HUWE1: variants seen among roughly 807,000 people sequenced by gnomAD.
The protein encoded by HUWE1 is E3 ubiquitin-protein ligase HUWE1.
HUWE1 carries 18 observed loss-of-function variants against 299.4 expected under a neutral mutation model. The observed-to-expected ratio is 0.06, with a 90% CI of 0.04 to 0.09. HUWE1 has a LOEUF of 0.09. Ranked by LOEUF, HUWE1 falls within the 10% of genes least tolerant of loss-of-function variation. The pLI, the probability that HUWE1 is intolerant of heterozygous loss-of-function variation, is 1.00. For missense variants in HUWE1, 1,832 were observed against 3,462.3 expected, an observed-to-expected ratio of 0.53 and a Z score of 11.82; for synonymous variants, 1,317 against 1,286.1, an observed-to-expected ratio of 1.02 and a Z score of -0.51.
chrX:53,632,107 A>G (rs782602019), intron 9 of HUWE1: 4 of 333,705 alleles, frequency 1.2e-5, no homozygotes, highest in South Asian at 8.7e-5. Context: ...AAATGACCAG[A>G]TAATTTAAGC....
Position 53,546,778 on chromosome X carries a change from C to A in HUWE1, c.10684G>T (p.Gly3562Trp), listed in dbSNP as rs782795348. ...GSKSPAKVSD[G>W]GSSSTDFKMV... ...TTAAAGTCTGTACTGCTGCTGCCCC[C>A]ATCACTCACCTTCGCTGGAGATTTG... The change falls in exon 69 of 84, where the codon GGG becomes TGG. Residue 3562 changes from glycine (G) to tryptophan (W), a missense_variant. Physicochemically the swap from Gly to Trp is radical, Grantham distance 184. Coordinates refer to ENST00000262854, the MANE Select transcript of HUWE1 (RefSeq NM_031407.7). 1 of 1,210,349 alleles carries A rather than the reference C, an allele frequency of 8.3e-7. No homozygotes were observed. The highest frequency in any genetic ancestry group is 1.8e-5 in the South Asian group (1 of 56,717).
rs1342134032 is a variant in HUWE1, at chrX:53,532,124, T to C, written c.*1185A>G. 9.0e-6 allele frequency: 1 copy of C among 111,419 alleles called. No individual in the cohort carries two copies. The highest frequency in any genetic ancestry group is 1.9e-5 in the Non-Finnish European group (1 of 53,144). The allele number at this position is 111,419 out of a possible 1,213,427, so 9.2% of individuals were successfully genotyped here. On this transcript the variant is annotated 3_prime_UTR_variant, in exon 84 of 84. Coordinates refer to ENST00000262854, the MANE Select transcript of HUWE1 (RefSeq NM_031407.7). ...GGGTTATTTTTTCTAACTAAATTTT[T>C]ATTAAATTATTTTTTCTTTGAAGGC...
chrX:53,571,527 G>A (rs1556951297), intron 47 of HUWE1, among the ~76,000 whole-genome samples: 1 of 111,434 alleles, frequency 9.0e-6, no homozygotes, highest in African/African-American at 3.3e-5. Context: ...ACTTGAGCCT[G>A]GGAGTTCAAA....
chrX:53,671,114 T>C (rs924602308), intron 3 of HUWE1, among the ~76,000 whole-genome samples: 3 of 111,066 alleles, frequency 2.7e-5, no homozygotes, highest in Admixed American at 9.6e-5. Context: ...GCAATGGACT[T>C]TGGGGACTCA....
At chrX:53,533,672 C>T in intron 83 of HUWE1, 1 of 439,065 alleles carries the variant, frequency 2.3e-6, no homozygotes. Context: ...AAAGTGCAAA[C>T]TTGAAGGTGG....
rs1556916592 is a variant in HUWE1 at position 53,539,640 on chromosome X, T to G, written c.11632+17A>C. On this transcript the variant is annotated intron_variant, in intron 75 of 83. Transcript: ENST00000262854. ...AGACCACTGGGTTGGGACCTGGGCC[T>G]TTAGGACACAACTCACCTAGCACCG... 2 of 1,210,526 alleles carry G rather than the reference T, an allele frequency of 1.7e-6. No homozygotes were observed. The highest frequency in any genetic ancestry group is 2.2e-6 in the Non-Finnish European group (2 of 894,374).
At chrX:53,537,946 G>A (rs1163678492) in intron 77 of HUWE1, among the ~76,000 whole-genome samples, 2 of 111,539 alleles carry the variant, frequency 1.8e-5, no homozygotes, top group Admixed American at 1.9e-4. Context: ...CCACAAGCAG[G>A]TAAGCATGTA....
chrX:53,631,373 T>G (rs1557022599), intron 11 of HUWE1, 41 bp downstream of exon 11: 1 of 998,559 alleles, frequency 1.0e-6, no homozygotes, highest in Admixed American at 2.2e-5. Flanking sequence ...TCTATTTAGA[T>G]AACAACCACA....
At position 53,562,562 on chromosome X, in the gene HUWE1, C is replaced by G. The variant is rs182149407; in HGVS notation, c.7204+269G>C. On this transcript the variant is annotated intron_variant, in intron 53 of 83. Transcript: ENST00000262854. ...AGCCCTACTTTGCTATTGACTATAT[C>G]CTGTTGGCAAGAGGGAACCTGGAGC... is the stretch of plus-strand genomic sequence containing the variant. Among the ~76,000 whole-genome samples, 201 of 111,500 alleles carry G rather than the reference C, an allele frequency of 1.8e-3. 1 individual carries two copies. The highest frequency in any genetic ancestry group is 6.0e-3 in the African/African-American group (183 of 30,694).
Position 53,614,649 on chromosome X carries a change from G to T in HUWE1, c.2146C>A (p.Pro716Thr), listed in dbSNP as rs1557005649. The change falls in exon 23 of 84, where the codon CCA becomes ACA. Residue 716 changes from proline (P) to threonine (T), a missense_variant. Pro to Thr is a conservative substitution (Grantham distance 38). Around this residue, in one of 15 missense-constraint regions of HUWE1, gnomAD observed 658 missense variants for 1,282.6 expected, o/e 0.51. Transcript: ENST00000262854. ...TCTTCTGCGGCATGATTAGACCTTG[G>T]GGGAGGAGCAGTGGCAGTGCCATCT... is the stretch of plus-strand genomic sequence containing the variant. ...KADGTATAPPPRSNHAAEEAS... is the reference protein window; with the variant it reads ...KADGTATAPPTRSNHAAEEAS... 1 of 1,207,700 alleles carries T rather than the reference G, an allele frequency of 8.3e-7. No individual in the cohort carries two copies. The highest frequency in any genetic ancestry group is 2.2e-5 in the Admixed American group (1 of 46,014).
chrX:53,658,816 T>C (rs1362237914), intron 3 of HUWE1, among the ~76,000 whole-genome samples: 1 of 112,184 alleles, frequency 8.9e-6, no homozygotes, highest in African/African-American at 3.2e-5. Context: ...GCAAAAGACA[T>C]ACAAAGGACT....
intron 3 of HUWE1, among the ~76,000 whole-genome samples, chrX:53,669,120 G>A (rs1335512668): frequency 1.8e-5 from 2 of 112,367 alleles, no homozygotes; most frequent in Non-Finnish European, 3.8e-5. Flanking sequence ...GTTATTTATA[G>A]CAATTATCAA....
chrX:53,561,919 A>C lies in HUWE1; in HGVS notation c.7344T>G (p.Asp2448Glu). Residue 2448 changes from aspartate to glutamate, a missense_variant, in exon 55 of 84, where the codon GAT becomes GAG. This residue lies in a region of HUWE1 where 170 missense variants were observed against 335.8 expected (regional missense o/e 0.51). Coordinates refer to ENST00000262854, the MANE Select transcript of HUWE1 (RefSeq NM_031407.7). ...CTTCATCTCCCTCTTCACCTTCATC[A>C]TCCTCCTTAAGGGAAAATAGGAGAT... ...EEEDEEDDQE[D>E]DEGEEGDEDD... 1.7e-6 allele frequency: 2 copies of C among 1,210,775 alleles called. No individual in the cohort carries two copies. The highest frequency in any genetic ancestry group is 5.9e-5 in the East Asian group (2 of 33,788).
At chrX:53,631,904 T>C in intron 9 of HUWE1, 1 of 360,383 alleles carries the variant, frequency 2.8e-6, no homozygotes, top group Non-Finnish European at 4.9e-6. Flanking sequence ...ACTGACTTAA[T>C]ATCCATAGCA....
chrX:53,572,474 G>A (rs1309756430), intron 47 of HUWE1, among the ~76,000 whole-genome samples: 1 of 111,823 alleles, frequency 8.9e-6, no homozygotes, highest in African/African-American at 3.3e-5. Context: ...TTCAAAGATG[G>A]CAACACTAGT....
In HUWE1 at chrX:53,535,360, G is replaced by C. The variant is rs782124977; in HGVS notation, c.12649+24C>G. On this transcript the variant is annotated intron_variant, in intron 81 of 83. Coordinates refer to ENST00000262854, the MANE Select transcript of HUWE1 (RefSeq NM_031407.7). ...GACCTCTTCTCATATTGAGCAACTA[G>C]AGGTCTAGGAACATTTCCCCTACCT... is the stretch of plus-strand genomic sequence containing the variant. 1.4e-5 allele frequency: 14 copies of C among 968,674 alleles called. No individual in the cohort carries two copies. The South Asian group carries it at 1.7e-4, about 12-fold the overall frequency. The allele number at this position is 968,674 out of a possible 1,213,427, so 79.8% of individuals were successfully genotyped here.
chrX:53,667,497 C>T (rs1456041821), intron 3 of HUWE1, among the ~76,000 whole-genome samples: 1 of 111,231 alleles, frequency 9.0e-6, no homozygotes, highest in Non-Finnish European at 1.9e-5. Context: ...ACACAAAGCC[C>T]GTTTTATAAT....
intron 43 of HUWE1, among the ~76,000 whole-genome samples, chrX:53,579,275 A>G (rs2063471879): frequency 1.3e-5 from 1 of 76,566 alleles, no homozygotes; most frequent in African/African-American, 5.2e-5. Context: ...CCCTACTGGG[A>G]AGTGAGGAGC....
intron 61 of HUWE1, among the ~76,000 whole-genome samples, 194 bp from the exon 62 acceptor site, chrX:53,553,087 C>T (rs2061832584): frequency 2.7e-5 from 3 of 111,457 alleles, no homozygotes. Context: ...AATTCTTGAA[C>T]ATTTACTGTG....
Sources: gnomAD v4.1 joint callset for allele counts (sites outside exome capture counted in the v4.1 genomes callset) on GRCh38, gnomAD v4.1.1 for gene constraint, gnomAD v4.1.1 regional missense constraint, MANE v1.5 for transcripts, NCBI Gene and HGNC (gene_info 2026-07-23, HGNC 2026-07-21) for gene names.